The following CMPK2 variants were observed in gnomAD, a reference collection of about 807,000 sequenced individuals.
The protein encoded by CMPK2 is UMP-CMP kinase 2, mitochondrial.
Under a neutral mutation model 33.4 loss-of-function variants are expected in CMPK2, and 32 were observed. The observed-to-expected ratio is 0.96, with a 90% confidence interval of 0.72 to 1.29. The LOEUF (loss-of-function observed/expected upper bound fraction) is 1.29. Ranked by LOEUF, CMPK2 falls within the 50% of genes most tolerant of loss-of-function variation. CMPK2 has a pLI of 0.00. For synonymous variants in CMPK2, 299 were observed against 275.3 expected, an observed-to-expected ratio of 1.09 and a Z score of -0.85; for missense variants, 672 against 616.0, an observed-to-expected ratio of 1.09 and a Z score of -0.96.
At position 6,849,823 on chromosome 2, in the gene CMPK2, G is replaced by C. The variant is rs947821958; in HGVS notation, c.*27C>G. The stretch of plus-strand genomic sequence containing the variant: ...GATGTTTCAAACAACATCTAATCTA[G>C]TTAGACGTGGCACCTGGCCAGAGTA... On this transcript the variant is annotated 3_prime_UTR_variant, in exon 5 of 5. Coordinates refer to ENST00000256722, the MANE Select transcript of CMPK2 (RefSeq NM_207315.4). The C allele has an allele frequency of 8.1e-6, 13 of 1,613,316 alleles. No homozygotes were observed. The highest frequency in any genetic ancestry group is 9.3e-6 in the Non-Finnish European group (11 of 1,179,734).
At chr2:6,855,767 C>A (rs1384513319) in intron 3 of CMPK2, among the ~76,000 whole-genome samples, 1 of 152,192 alleles carries the variant, frequency 6.6e-6, no homozygotes, top group Non-Finnish European at 1.5e-5. Context: ...AGCCTTCTAG[C>A]TGATTCTTTT....
At chr2:6,866,113 T>C, upstream of CMPK2, 1 of 226,660 alleles carries the variant, frequency 4.4e-6, no homozygotes. Context: ...CCTCTGCGGC[T>C]TATGCCGGGT....
chr2:6,853,549 A>C (rs1662588068), intron 3 of CMPK2, among the ~76,000 whole-genome samples: 1 of 152,210 alleles, frequency 6.6e-6, no homozygotes, highest in Non-Finnish European at 1.5e-5. Flanking sequence ...TATAAGATAA[A>C]TATCTAATTC....
chr2:6,859,619 TACAGGTAC>T (rs2103225503), intron 3 of CMPK2, among the ~76,000 whole-genome samples: 1 of 152,312 alleles, frequency 6.6e-6, no homozygotes, highest in South Asian at 2.1e-4. Context: ...GTGTTGAGCC[TACAGGTAC>T]ACAGAAGTCA....
chr2:6,862,404 G>A (rs546172322), intron 2 of CMPK2, among the ~76,000 whole-genome samples: 8 of 152,302 alleles, frequency 5.3e-5, no homozygotes, highest in Middle Eastern at 3.4e-3. Flanking sequence ...CAGGGCAGAC[G>A]GAACCACTAG....
intron 4 of CMPK2, chr2:6,851,020 A>C: frequency 9.7e-7 from 1 of 1,026,816 alleles, no homozygotes; most frequent in African/African-American, 1.7e-5. Context: ...TGTAAACTGT[A>C]AAATACGGCT....
rs955394166 is a variant in CMPK2, at chr2:6,865,714, C to T, written c.-18G>A. On this transcript the variant is annotated 5_prime_UTR_variant, in exon 1 of 5. Transcript: ENST00000256722. ...AAGGCCATGGGCGCCTCAGCGACGC[C>T]GCCCTCGGCCCCGCCTCGGAAACGA... is the stretch of plus-strand genomic sequence containing the variant. 3.2e-5 allele frequency: 41 copies of T among 1,284,616 alleles called. No homozygotes were observed. The African/African-American group carries it at 6.1e-4, about 19-fold the overall frequency. The allele number at this position is 1,284,616 out of a possible 1,614,324, so 79.6% of individuals were successfully genotyped here.
chr2:6,846,954 T>C (rs1288306235), downstream of CMPK2, among the ~76,000 whole-genome samples: 1 of 152,206 alleles, frequency 6.6e-6, no homozygotes, highest in Non-Finnish European at 1.5e-5. Flanking sequence ...TATCCAGAGT[T>C]CTTTGTCCTA....
rs116125478 is a variant in CMPK2, at chr2:6,849,376, C to T, written c.*474G>A. ...CTAGAATTTGGGACTGAGGGAGATG[C>T]AGCGAGCCCATCATGACGAGTGCAA... On this transcript the variant is annotated 3_prime_UTR_variant, in exon 5 of 5. Coordinates refer to ENST00000256722, the MANE Select transcript of CMPK2 (RefSeq NM_207315.4). 4.1e-4 allele frequency: 408 copies of T among 986,780 alleles called. 1 individual carries two copies. In the African/African-American group the frequency reaches 6.8e-3, roughly 16 times the overall value. The allele number at this position is 986,780 out of a possible 1,614,324, so 61.1% of individuals were successfully genotyped here. A position where few individuals can be genotyped will look rare whatever the true frequency, so the allele number is the denominator to read the frequency against.
At chr2:6,846,244 A>G (rs114552368), downstream of CMPK2, among the ~76,000 whole-genome samples, 4 of 152,330 alleles carry the variant, frequency 2.6e-5, no homozygotes, top group East Asian at 3.9e-4. Context: ...AACTTCTCTC[A>G]TAAAAGAACT....
At chr2:6,842,412 T>A (rs977626055) in intron 3 of CMPK2, among the ~76,000 whole-genome samples, 8 of 152,162 alleles carry the variant, frequency 5.3e-5, no homozygotes, top group African/African-American at 1.9e-4. Context: ...ATCAGGTCAT[T>A]CCTCATGCTC....
In CMPK2 at chr2:6,861,108, ACACACACACACACACACACC is replaced by A. The variant is rs1159672345; in HGVS notation, c.992+56_992+75del. 7.4e-5 allele frequency: 91 copies of A among 1,236,598 alleles called. 2 individuals carry two copies. Among genetic ancestry groups the A allele is most frequent in the Non-Finnish European group, 9.3e-5 (79 of 853,184 alleles). 76.6% of individuals were successfully genotyped at this position (1,236,598 alleles called of 1,614,324 possible). On this transcript the variant is annotated intron_variant, in intron 3 of 4. Transcript: ENST00000256722. ...CATGTACGTATACACACACACGCAC[ACACACACACACACACACACC>A]CACACACTTATATATTAGGGAGAAA...
intron 1 of CMPK2, 36 bp downstream of exon 1, chr2:6,864,986 G>A (rs1207601860): frequency 7.2e-7 from 1 of 1,398,502 alleles, no homozygotes; most frequent in African/African-American, 1.5e-5. Flanking sequence ...GGGTTCAGAT[G>A]CCACGCTGGG....
intron 4 of CMPK2, 77 bp from the exon 5 acceptor site, chr2:6,850,050 A>G (rs1223349267): frequency 3.5e-6 from 4 of 1,137,882 alleles, no homozygotes; most frequent in African/African-American, 1.5e-5. Context: ...TTCCTACCAT[A>G]GTATAAATAG....
At chr2:6,848,039 T>C (rs1424258777), downstream of CMPK2, among the ~76,000 whole-genome samples, 2 of 152,160 alleles carry the variant, frequency 1.3e-5, no homozygotes, top group Non-Finnish European at 2.9e-5. Context: ...AAAATACTCG[T>C]AAGTCATATA....
chr2:6,858,608 GT>G (rs1662784537), intron 3 of CMPK2, among the ~76,000 whole-genome samples: 1 of 151,978 alleles, frequency 6.6e-6, no homozygotes, highest in African/African-American at 2.4e-5. Flanking sequence ...AGATCTGATG[GT>G]TTTAAAAAGG....
Position 6,849,457 on chromosome 2 carries a change from T to C in CMPK2, c.*393A>G, listed in dbSNP as rs1312175601. On this transcript the variant is annotated 3_prime_UTR_variant, in exon 5 of 5. Transcript: ENST00000256722. ...TCACGATCTCATCAGCATGCCAGTGTAGGAGAAGCAGAGGCTCCGGGGTCT... is the reference window on the plus strand; with the variant it reads ...TCACGATCTCATCAGCATGCCAGTGCAGGAGAAGCAGAGGCTCCGGGGTCT... 5.9e-6 allele frequency: 6 copies of C among 1,015,134 alleles called. No homozygotes were observed. The highest frequency in any genetic ancestry group is 4.7e-6 in the Non-Finnish European group (4 of 849,764). 62.9% of individuals were successfully genotyped at this position (1,015,134 alleles called of 1,614,324 possible).
At chr2:6,847,003 A>C (rs1662377767), downstream of CMPK2, among the ~76,000 whole-genome samples, 1 of 152,300 alleles carries the variant, frequency 6.6e-6, no homozygotes, top group Middle Eastern at 3.4e-3. Context: ...ACAAGGGTGA[A>C]GTTGGAGTGA....
chr2:6,849,876 T>A lies in CMPK2; in HGVS notation c.1324A>T (p.Ile442Phe). The stretch of plus-strand genomic sequence containing the variant: ...TACGGTTCACTAAAACTATTCTGGA[T>A]TAGGCTTAATACCGTCTGCAGGACC... Reference protein sequence around the residue: ...EKVLQTVLSLIQNSFSEP With the variant: ...EKVLQTVLSLFQNSFSEP Residue 442 changes from isoleucine (I) to phenylalanine (F), a missense_variant, in exon 5 of 5, where the codon ATC becomes TTC. By Grantham distance (21) the Ile-to-Phe change is conservative. Coordinates refer to ENST00000256722, the MANE Select transcript of CMPK2 (RefSeq NM_207315.4). 1 of 1,614,000 alleles carries A rather than the reference T, an allele frequency of 6.2e-7. No homozygotes were observed. The highest frequency in any genetic ancestry group is 1.3e-5 in the African/African-American group (1 of 75,034).
Sources: gnomAD v4.1 joint callset for allele counts (sites outside exome capture counted in the v4.1 genomes callset) on GRCh38, gnomAD v4.1.1 for gene constraint, MANE v1.5 for transcripts, NCBI Gene and HGNC (gene_info 2026-07-23, HGNC 2026-07-21) for gene names.